The following CDH13 variants were observed in gnomAD, a reference collection of about 807,000 sequenced individuals.
The protein encoded by CDH13 is cadherin-13.
CDH13 carries 24 observed loss-of-function variants against 63.8 expected under a neutral mutation model. The ratio of observed to expected loss-of-function variants is 0.38; its 90% CI spans 0.27 to 0.53. CDH13 has a LOEUF of 0.53. CDH13 is among the 20% of genes least tolerant of loss of function. The pLI, the probability that CDH13 is intolerant of heterozygous loss-of-function variation, is 0.85. For missense variants in CDH13, 1,049 were observed against 903.1 expected, an observed-to-expected ratio of 1.16 and a Z score of -2.07; for synonymous variants, 503 against 355.3, an observed-to-expected ratio of 1.42 and a Z score of -4.67.
At chr16:83,662,410 A>G (rs907733806) in intron 8 of CDH13, among the ~76,000 whole-genome samples, 1 of 152,216 alleles carries the variant, frequency 6.6e-6, no homozygotes, top group African/African-American at 2.4e-5. Flanking sequence ...CGTAGAAGAA[A>G]TTAATGTTAG....
At chr16:82,754,837 T>A (rs763000310) in intron 1 of CDH13, among the ~76,000 whole-genome samples, 5 of 152,198 alleles carry the variant, frequency 3.3e-5, no homozygotes, top group Non-Finnish European at 7.3e-5. Context: ...CCTTAACTAG[T>A]GTTTGTCACA....
rs554922889 is a variant in CDH13, at chr16:82,910,633, C to T, written c.157+52160C>T. ...AAATTCGTTCTGTCCTATAAGAAGG[C>T]TCCCAGGCTCCTAGTCTCAAACCAC... On this transcript the variant is annotated intron_variant, in intron 2 of 13. Transcript: ENST00000567109. 4.6e-5 allele frequency among the ~76,000 whole-genome samples: 7 copies of T among 152,308 alleles called. No individual in the cohort carries two copies. The East Asian group carries it at 5.8e-4, about 13-fold the overall frequency.
chr16:82,648,686 C>G (rs1487771124), intron 1 of CDH13, among the ~76,000 whole-genome samples: 1 of 152,148 alleles, frequency 6.6e-6, no homozygotes, highest in East Asian at 1.9e-4. Context: ...TGTTTTTTCC[C>G]CTCTGGTTTA....
intron 6 of CDH13, among the ~76,000 whole-genome samples, chr16:83,468,709 T>A (rs2073381545): frequency 6.6e-6 from 1 of 152,330 alleles, no homozygotes. Context: ...CCTTCCCTTC[T>A]TTGTTCTTGA....
chr16:83,423,559 G>C (rs147071865), intron 6 of CDH13, among the ~76,000 whole-genome samples: 1 of 151,662 alleles, frequency 6.6e-6, no homozygotes, highest in Non-Finnish European at 1.5e-5. Context: ...TGAAATAAAA[G>C]TTTATAACTG....
chr16:83,082,744 A>G (rs72796265), intron 3 of CDH13, among the ~76,000 whole-genome samples: 7,482 of 152,306 alleles, frequency 0.049, 277 homozygotes, highest in Non-Finnish European at 0.071. Flanking sequence ...GTTAGGCTGT[A>G]GAAGTAAGTA....
chr16:83,372,252 A>G (rs577434051), intron 6 of CDH13, among the ~76,000 whole-genome samples: 149 of 152,320 alleles, frequency 9.8e-4, no homozygotes, highest in African/African-American at 3.4e-3. Flanking sequence ...AGATTGCTCA[A>G]CTAGTGACAG....
intron 1 of CDH13, among the ~76,000 whole-genome samples, chr16:82,661,632 G>A (rs1911958545): frequency 6.6e-6 from 1 of 152,214 alleles, no homozygotes; most frequent in East Asian, 1.9e-4. Flanking sequence ...GATGGATGCT[G>A]GATGCATATG....
At chr16:83,558,734 C>T (rs2075647953) in intron 7 of CDH13, among the ~76,000 whole-genome samples, 1 of 152,094 alleles carries the variant, frequency 6.6e-6, no homozygotes, top group South Asian at 2.1e-4. Context: ...ATACCTACTA[C>T]TTACAGTAAG....
At chr16:83,692,240 T>C (rs1314735007) in intron 10 of CDH13, among the ~76,000 whole-genome samples, 1 of 152,242 alleles carries the variant, frequency 6.6e-6, no homozygotes, top group Non-Finnish European at 1.5e-5. Flanking sequence ...CTTTCATTGC[T>C]GATAGCCACA....
At chr16:83,670,404 T>G (rs1389764385) in intron 8 of CDH13, among the ~76,000 whole-genome samples, 1 of 152,128 alleles carries the variant, frequency 6.6e-6, no homozygotes, top group Non-Finnish European at 1.5e-5. Context: ...CTCCATGTGG[T>G]GACTCAGGGA....
In CDH13 at chr16:83,795,162, T is replaced by C; in HGVS notation, c.*132T>C. 1 of 698,064 alleles carries C rather than the reference T, an allele frequency of 1.4e-6. No homozygotes were observed. The highest frequency in any genetic ancestry group is 2.4e-6 in the Non-Finnish European group (1 of 416,712). The allele number at this position is 698,064 out of a possible 1,614,324, so 43.2% of individuals were successfully genotyped here. ...CTAGGCCTCAATTGTTCCGGTTTTT[T>C]ATTTTCTTTACAATTTCACTTAGTC... On this transcript the variant is annotated 3_prime_UTR_variant, in exon 14 of 14. Transcript: ENST00000567109.
At chr16:83,258,636 A>G (rs1906577703) in intron 5 of CDH13, among the ~76,000 whole-genome samples, 1 of 152,202 alleles carries the variant, frequency 6.6e-6, no homozygotes, top group Admixed American at 6.5e-5. Context: ...GCCAGGGACA[A>G]TTAACAGAGA....
chr16:82,810,791 G>A lies in CDH13; in HGVS notation c.46-47571G>A, dbSNP rs2037403259. Among the ~76,000 whole-genome samples, 4 of 152,158 alleles carry A rather than the reference G, an allele frequency of 2.6e-5. 1 individual carries two copies. In the Middle Eastern group the frequency reaches 0.01, roughly 388 times the overall value. On this transcript the variant is annotated intron_variant, in intron 1 of 13. Coordinates refer to ENST00000567109, the MANE Select transcript of CDH13 (RefSeq NM_001257.5). ...GAAATGAGAGAAGCTGGACCATGCA[G>A]AGCCTTGTAGGTGATGGGAAGGATT...
intron 5 of CDH13, among the ~76,000 whole-genome samples, chr16:83,272,211 A>G (rs1261381124): frequency 3.3e-5 from 5 of 152,186 alleles, no homozygotes; most frequent in Non-Finnish European, 7.4e-5. Flanking sequence ...AGTGAGGGAG[A>G]TGGATGATAA....
intron 7 of CDH13, among the ~76,000 whole-genome samples, chr16:83,490,869 G>T (rs1387372): frequency 0.48 from 72,461 of 151,980 alleles, 17,862 homozygotes; most frequent in East Asian, 0.83. Flanking sequence ...TTACTTGTTC[G>T]GAAAACCCTA....
intron 4 of CDH13, among the ~76,000 whole-genome samples, chr16:83,147,582 T>G (rs1259440801): frequency 6.6e-6 from 1 of 152,206 alleles, no homozygotes; most frequent in African/African-American, 2.4e-5. Context: ...CCAACATCCC[T>G]CAGGAACATT....
intron 8 of CDH13, among the ~76,000 whole-genome samples, chr16:83,646,628 G>A (rs969278151): frequency 6.9e-6 from 1 of 144,838 alleles, no homozygotes; most frequent in Non-Finnish European, 1.5e-5. Context: ...TTGAACCCGG[G>A]AAGCAGTGAG....
chr16:82,954,634 A>G (rs1053378273), intron 2 of CDH13: 2 of 152,098 alleles, frequency 1.3e-5, no homozygotes, highest in South Asian at 2.1e-4. Context: ...TTGAGATATA[A>G]TTCACATACC....
Sources: gnomAD v4.1 joint callset for allele counts (sites outside exome capture counted in the v4.1 genomes callset) on GRCh38, gnomAD v4.1.1 for gene constraint, MANE v1.5 for transcripts, NCBI Gene and HGNC (gene_info 2026-07-23, HGNC 2026-07-21) for gene names.